ARMC2: variants seen among roughly 807,000 people sequenced by gnomAD.
The protein encoded by ARMC2 is armadillo repeat containing 2, also known as armadillo repeat-containing protein 2.
In ARMC2, 67 loss-of-function variants were observed where a neutral mutation model predicts 90.3. The ratio of observed to expected loss-of-function variants is 0.74; its 90% CI spans 0.61 to 0.91. The LOEUF (loss-of-function observed/expected upper bound fraction) is 0.91. Ranked by LOEUF, ARMC2 falls within the 40% of genes least tolerant of loss-of-function variation. The pLI, the probability that ARMC2 is intolerant of heterozygous loss-of-function variation, is 0.00. For synonymous variants in ARMC2, 393 were observed against 393.0 expected (o/e 1.00, Z 0.00); for missense variants, 920 against 1,030.9 (o/e 0.89, Z 1.47).
At position 108,879,639 on chromosome 6, in the gene ARMC2, AGATGAATCTCTTTACCTGCT is replaced by A. The variant is rs561827318; in HGVS notation, c.671+3290_671+3309del. On this transcript the variant is annotated intron_variant, in intron 5 of 17. Coordinates refer to ENST00000392644, the MANE Select transcript of ARMC2 (RefSeq NM_032131.6). ...CCATCCATGGAATCTCTTTCAAAGCAGATGAATCTCTTTACCTGCTTAAAAAATCTGTTAAGGCTTTCCAT... is the reference window on the plus strand; with the variant it reads ...CCATCCATGGAATCTCTTTCAAAGCATAAAAAATCTGTTAAGGCTTTCCAT... 6.0e-3 allele frequency among the ~76,000 whole-genome samples: 897 copies of A among 150,368 alleles called. 3 individuals carry two copies. The highest frequency in any genetic ancestry group is 0.01 in the Non-Finnish European group (692 of 67,964).
chr6:108,951,332 A>G (rs530781452), intron 12 of ARMC2, among the ~76,000 whole-genome samples: 4 of 152,306 alleles, frequency 2.6e-5, no homozygotes, highest in African/African-American at 4.8e-5. Context: ...AGGCCCTGGC[A>G]TTAAGAACTT....
At chr6:109,041,826 T>C in the ARMC2 span, among the ~76,000 whole-genome samples, 2 of 152,224 alleles carry the variant, frequency 1.3e-5, no homozygotes, top group East Asian at 3.9e-4. Context: ...GTAGAGGAAC[T>C]CAACAATATT....
intron 13 of ARMC2, 43 bp from the exon 14 acceptor site, chr6:108,961,529 C>T: frequency 6.5e-7 from 1 of 1,547,858 alleles, no homozygotes; most frequent in Non-Finnish European, 8.7e-7. Flanking sequence ...TGGTTCTACT[C>T]CTGCAGTGGG....
rs143149656 is a variant in ARMC2, at chr6:108,856,907, A to G, written c.219-1292A>G. ...ATGTCAGTCTAGTTTTGTGCCCTCT[A>G]TTCTGTTCCATTGATCTGTTTGTCT... On this transcript the variant is annotated intron_variant, in intron 2 of 17. Coordinates refer to ENST00000392644, the MANE Select transcript of ARMC2 (RefSeq NM_032131.6). 9.3e-3 allele frequency among the ~76,000 whole-genome samples: 1,423 copies of G among 152,254 alleles called. 27 individuals carry two copies. The highest frequency in any genetic ancestry group is 0.032 in the African/African-American group (1,344 of 41,532).
intron 13 of ARMC2, among the ~76,000 whole-genome samples, chr6:108,958,461 C>CT (rs1562429874): frequency 1.3e-5 from 2 of 152,180 alleles, no homozygotes; most frequent in Non-Finnish European, 1.5e-5. Context: ...CTGTGAGTAC[C>CT]TACCCTCTAG....
At position 108,961,642 on chromosome 6, in the gene ARMC2, C is replaced by T; in HGVS notation, c.1986C>T (p.Tyr662=). ...CAGCGACAATCAACAATTTATCTTA[C>T]TACCAAGTGAAGAATTCCATAATTC... The part of the protein sequence containing the change: ...NATATINNLS[Y]YQVKNSIIQD... The change falls in exon 14 of 18, where the codon TAC becomes TAT. Residue 662 remains tyrosine, a synonymous_variant. Coordinates refer to ENST00000392644, the MANE Select transcript of ARMC2 (RefSeq NM_032131.6). 1 of 1,611,962 alleles carries T rather than the reference C, an allele frequency of 6.2e-7. No homozygotes were observed. Among genetic ancestry groups the T allele is most frequent in the Non-Finnish European group, 8.5e-7 (1 of 1,179,084 alleles).
At chr6:108,941,886 A>G (rs1776468692) in intron 12 of ARMC2, among the ~76,000 whole-genome samples, 1 of 152,188 alleles carries the variant, frequency 6.6e-6, no homozygotes. Context: ...TGTAGTTTTA[A>G]GTCATTACTT....
At chr6:109,048,537 G>A in the ARMC2 span, among the ~76,000 whole-genome samples, 1 of 152,102 alleles carries the variant, frequency 6.6e-6, no homozygotes, top group South Asian at 2.1e-4. Flanking sequence ...CAGATAGAAG[G>A]GCCTTTACAA....
chr6:108,987,328 C>A, the ARMC2 span: 1 of 451,926 alleles, frequency 2.2e-6, no homozygotes, highest in Admixed American at 4.0e-5. Flanking sequence ...CTGTGAATGG[C>A]AGCCTGTCTT....
At position 108,848,465 on chromosome 6, in the gene ARMC2, C is replaced by G. The variant is rs895087343; in HGVS notation, c.-125C>G. 4 of 152,420 alleles carry G rather than the reference C, an allele frequency of 2.6e-5. No homozygotes were observed. The highest frequency in any genetic ancestry group is 9.6e-5 in the African/African-American group (4 of 41,476). 9.4% of individuals were successfully genotyped at this position (152,420 alleles called of 1,614,324 possible). A position where few individuals can be genotyped will look rare whatever the true frequency, so the allele number is the denominator to read the frequency against. ...TGGGGTTACCCCGCCCGCGCCAGCG[C>G]TGCATCCCTGGCCGCTACCCGGGGA... On this transcript the variant is annotated 5_prime_UTR_variant, in exon 1 of 18. Transcript: ENST00000392644.
the ARMC2 span, among the ~76,000 whole-genome samples, chr6:109,043,028 T>C: frequency 7.9e-5 from 12 of 152,138 alleles, no homozygotes; most frequent in Non-Finnish European, 1.6e-4. Flanking sequence ...CAGGAATGCA[T>C]GGCTGGTTCA....
In ARMC2 at chr6:108,868,970, G is replaced by A. The variant is rs755787855; in HGVS notation, c.438G>A (p.Pro146=). ...CTGCCTCCCAGCGGGCCCTTCTGCCGGACAGATCCCTTCCTCCCTCCGACT... is the reference window on the plus strand; with the variant it reads ...CTGCCTCCCAGCGGGCCCTTCTGCCAGACAGATCCCTTCCTCCCTCCGACT... ...FRAASQRALL[P]DRSLPPSDSK... is the part of the protein sequence containing the mutation. The change falls in exon 4 of 18, where the codon CCG becomes CCA. Residue 146 remains proline (P), a synonymous_variant. Coordinates refer to ENST00000392644, the MANE Select transcript of ARMC2 (RefSeq NM_032131.6). 1.1e-5 allele frequency: 17 copies of A among 1,613,178 alleles called. No individual in the cohort carries two copies. The highest frequency in any genetic ancestry group is 6.7e-5 in the East Asian group (3 of 44,870).
intron 13 of ARMC2, among the ~76,000 whole-genome samples, chr6:108,955,826 T>A (rs761402246): frequency 6.6e-6 from 1 of 152,140 alleles, no homozygotes; most frequent in Non-Finnish European, 1.5e-5. Flanking sequence ...TCTTTCCCCT[T>A]CCTGAGATCC....
intron 11 of ARMC2, among the ~76,000 whole-genome samples, chr6:108,934,467 A>G (rs1033968006): frequency 6.6e-6 from 1 of 152,100 alleles, no homozygotes; most frequent in Non-Finnish European, 1.5e-5. Flanking sequence ...TTCTCTTCTC[A>G]TATTGTCCTT....
intron 3 of ARMC2, among the ~76,000 whole-genome samples, chr6:108,860,594 G>A (rs909315103): frequency 8.6e-5 from 13 of 151,274 alleles, no homozygotes; most frequent in East Asian, 1.9e-4. Context: ...CTGGGGAGGC[G>A]GAGCTTGCAG....
the ARMC2 span, among the ~76,000 whole-genome samples, chr6:108,985,282 A>AAAAC: frequency 6.7e-6 from 1 of 148,678 alleles, no homozygotes; most frequent in Admixed American, 6.7e-5. Flanking sequence ...AAATACGGCC[A>AAAAC]AAACAACTCA....
At chr6:109,020,317 T>A in the ARMC2 span, among the ~76,000 whole-genome samples, 1 of 152,230 alleles carries the variant, frequency 6.6e-6, no homozygotes, top group African/African-American at 2.4e-5. Context: ...TTTAGTATTG[T>A]AGTGATTATT....
At chr6:108,964,408 G>C in intron 16 of ARMC2, 96 bp downstream of exon 16, 4 of 1,406,440 alleles carry the variant, frequency 2.8e-6, no homozygotes, top group Non-Finnish European at 3.9e-6. Context: ...GTGGGGCAAA[G>C]GTATTTCAAC....
chr6:109,000,840 C>T, the ARMC2 span, among the ~76,000 whole-genome samples: 41 of 152,060 alleles, frequency 2.7e-4, no homozygotes, highest in Admixed American at 8.5e-4. Flanking sequence ...AATTCAAATA[C>T]TGTAAGAACC....
Sources: allele counts gnomAD v4.1 joint callset (sites outside exome capture counted in the v4.1 genomes callset), GRCh38; gene constraint gnomAD v4.1.1; transcripts MANE v1.5; gene names NCBI Gene and HGNC (gene_info 2026-07-23, HGNC 2026-07-21).